Variants in TNPO2 observed in about 807,000 individuals in gnomAD.
TNPO2 encodes the protein transportin 2.
A neutral mutation model predicts 111.1 loss-of-function variants in TNPO2; 16 were observed. The observed-to-expected ratio is 0.14, with a 90% CI of 0.10 to 0.22. TNPO2 has a LOEUF of 0.22. Among genes scored for constraint, TNPO2 ranks in the 10% least tolerant of loss-of-function variants. The probability of loss-of-function intolerance (pLI) is 1.00; values close to 1 mark genes in which losing one functional copy is unlikely to be tolerated. For synonymous variants in TNPO2, 481 were observed against 475.8 expected, an observed-to-expected ratio of 1.01 and a Z score of -0.14; for missense variants, 530 against 1,173.7, an observed-to-expected ratio of 0.45 and a Z score of 8.01.
intron 10 of TNPO2, among the ~76,000 whole-genome samples, chr19:12,711,844 C>A (rs1041600725): frequency 6.6e-6 from 1 of 151,780 alleles, no homozygotes; most frequent in Non-Finnish European, 1.5e-5. Flanking sequence ...ATAAATGATA[C>A]CACTCCTGCC....
At chr19:12,722,845 C>G (rs551606772) in intron 2 of TNPO2, among the ~76,000 whole-genome samples, 1 of 152,304 alleles carries the variant, frequency 6.6e-6, no homozygotes, top group African/African-American at 2.4e-5. Flanking sequence ...AGCTCTTTAG[C>G]TGGAGCCAGG....
At position 12,706,503 on chromosome 19, in the gene TNPO2, G is replaced by A; in HGVS notation, c.1496+67C>T. The A allele has an allele frequency of 1.9e-6, 3 of 1,581,044 alleles. No individual in the cohort carries two copies. Among genetic ancestry groups the A allele is most frequent in the Non-Finnish European group, 2.6e-6 (3 of 1,150,824 alleles). ...ATCAGTTCCACATCAACAGTCACAG[G>A]TGTCATCACTTCCCAGAGGGTGGCC... On this transcript the variant is annotated intron_variant, in intron 14 of 25. Coordinates refer to ENST00000425528, the MANE Select transcript of TNPO2 (RefSeq NM_001382241.1). The surrounding 1 kb of genome is among the most constrained non-coding windows in gnomAD (Gnocchi z 7.0).
chr19:12,704,536 ACTT>A (rs2025518167), intron 18 of TNPO2, among the ~76,000 whole-genome samples: 1 of 152,132 alleles, frequency 6.6e-6, no homozygotes, highest in Admixed American at 6.5e-5. Context: ...ACAAGAACAA[ACTT>A]CTGTATGCGT....
rs111240361 is a variant in TNPO2 at position 12,721,054 on chromosome 19, G to A, written c.-13-64C>T. On this transcript the variant is annotated intron_variant, in intron 2 of 25. Coordinates refer to ENST00000425528, the MANE Select transcript of TNPO2 (RefSeq NM_001382241.1). The surrounding 1 kb of genome is among the most constrained non-coding windows in gnomAD (Gnocchi z 4.9). ...GGGCTCCGTGTGAGACCCAGGTGGA[G>A]CCCCTGAGGCCGCGGTGGCCGCATG... 2.2e-3 allele frequency: 3,414 copies of A among 1,533,536 alleles called. 52 individuals carry two copies. The African/African-American group carries it at 0.04, about 18-fold the overall frequency. 95.0% of individuals were successfully genotyped at this position (1,533,536 alleles called of 1,614,324 possible). A position where few individuals can be genotyped will look rare whatever the true frequency, so the allele number is the denominator to read the frequency against.
Position 12,710,523 on chromosome 19 carries a change from A to C in TNPO2, c.1270+98T>G, listed in dbSNP as rs909499564. On this transcript the variant is annotated intron_variant, in intron 13 of 25. Transcript: ENST00000425528. ...CAGAGCTGTTTGGAGTGGGGTGAGTAGGCCTCCAGGGAGAACTGAGGCATT... is the reference window on the plus strand; with the variant it reads ...CAGAGCTGTTTGGAGTGGGGTGAGTCGGCCTCCAGGGAGAACTGAGGCATT... The C allele has an allele frequency of 2.1e-6, 3 of 1,395,384 alleles. No individual in the cohort carries two copies. In the African/African-American group the frequency reaches 4.4e-5, roughly 20 times the overall value. The allele number at this position is 1,395,384 out of a possible 1,614,324, so 86.4% of individuals were successfully genotyped here.
chr19:12,708,871 C>CA lies in TNPO2; in HGVS notation c.1270+1749dup, dbSNP rs898010371. Among the ~76,000 whole-genome samples the CA allele has an allele frequency of 2.3e-4, 34 of 149,522 alleles. 1 individual carries two copies. The highest frequency in any genetic ancestry group is 3.4e-3 in the Middle Eastern group (1 of 290). On this transcript the variant is annotated intron_variant, in intron 13 of 25. Transcript: ENST00000425528. ...GGACAGTAAGAGCAAAACTCCGTCTCAAAAAAAAAGAAATTAGCCAGGCCT... is the reference window on the plus strand; with the variant it reads ...GGACAGTAAGAGCAAAACTCCGTCTCAAAAAAAAAAGAAATTAGCCAGGCCT...
Position 12,710,658 on chromosome 19 carries a change from C to T in TNPO2, c.1233G>A (p.Lys411=). 1.2e-6 allele frequency: 2 copies of T among 1,613,638 alleles called. No individual in the cohort carries two copies. Among genetic ancestry groups the T allele is most frequent in the Non-Finnish European group, 1.7e-6 (2 of 1,179,752 alleles). ...CGCCCAGCACCAGGATGCCCGACTC[C>T]TTGACCACCCACTCGGGGTGGAAGA... ...GLLFHPEWVV[K]ESGILVLGAI... Residue 411 remains lysine (K), a synonymous_variant, in exon 13 of 26, where the codon AAG becomes AAA. Coordinates refer to ENST00000425528, the MANE Select transcript of TNPO2 (RefSeq NM_001382241.1).
intron 18 of TNPO2, among the ~76,000 whole-genome samples, chr19:12,704,443 GCAT>G (rs1445106609): frequency 6.6e-6 from 1 of 152,150 alleles, no homozygotes; most frequent in African/African-American, 2.4e-5. Context: ...TGTACACTTA[GCAT>G]CATCTCTAAA....
At position 12,715,533 on chromosome 19, in the gene TNPO2, G is replaced by A. The variant is rs921205177; in HGVS notation, c.438C>T (p.Ala146=). The change falls in exon 7 of 26, where the codon GCC becomes GCT. Residue 146 remains alanine (A), a synonymous_variant. Transcript: ENST00000425528. This position sits in a 1 kb window ranked among gnomAD's most constrained non-coding sequence, Gnocchi z 7.1. The part of the protein sequence containing the change: ...NSEDYNTCEG[A]FGALQKICED... Reference sequence around the variant, plus strand: ...CACAGATCTTCTGCAGGGCTCCAAAGGCTCCCTGAGTGCAGAGGGGCAGAG... The same window carrying A: ...CACAGATCTTCTGCAGGGCTCCAAAAGCTCCCTGAGTGCAGAGGGGCAGAG... The A allele has an allele frequency of 1.2e-6, 2 of 1,614,026 alleles. No homozygotes were observed. The highest frequency in any genetic ancestry group is 8.5e-7 in the Non-Finnish European group (1 of 1,179,888).
rs1457226486 is a variant in TNPO2, at chr19:12,706,832, T to G, written c.1271-37A>C. On this transcript the variant is annotated intron_variant, in intron 13 of 25. Coordinates refer to ENST00000425528, the MANE Select transcript of TNPO2 (RefSeq NM_001382241.1). This position sits in a 1 kb window ranked among gnomAD's most constrained non-coding sequence, Gnocchi z 7.0. ...GGGAACCAAGAGGGGGCAGTTTGAT[T>G]GGGCCCAGCCACACCCACCGTATGG... 1 of 1,541,490 alleles carries G rather than the reference T, an allele frequency of 6.5e-7. No individual in the cohort carries two copies.
In TNPO2 at chr19:12,714,953, G is replaced by C. The variant is rs368873745; in HGVS notation, c.772-14C>G. The C allele has an allele frequency of 6.7e-4, 1,072 of 1,605,300 alleles. 15 individuals carry two copies. The highest frequency in any genetic ancestry group is 7.1e-4 in the South Asian group (64 of 90,176). The stretch of plus-strand genomic sequence containing the variant: ...CTGCAGCATGTACTGTGGTAGGGGG[G>C]AGAAGCTGAGGCCTGGCCTGGCTGG... On this transcript the variant is annotated splice_polypyrimidine_tract_variant and intron_variant, in intron 9 of 25. Coordinates refer to ENST00000425528, the MANE Select transcript of TNPO2 (RefSeq NM_001382241.1).
In TNPO2 at chr19:12,702,817, G is replaced by C; in HGVS notation, c.2305+6C>G. On this transcript the variant is annotated splice_donor_region_variant and intron_variant, in intron 21 of 25. Coordinates refer to ENST00000425528, the MANE Select transcript of TNPO2 (RefSeq NM_001382241.1). This position sits in a 1 kb window ranked among gnomAD's most constrained non-coding sequence, Gnocchi z 5.5. ...GGTGCAGGCAGCAGCCGGGCCAGGTGCCCACCTGTGTTTTCCAGCAGTGTC... is the reference window on the plus strand; with the variant it reads ...GGTGCAGGCAGCAGCCGGGCCAGGTCCCCACCTGTGTTTTCCAGCAGTGTC... 1 of 1,613,542 alleles carries C rather than the reference G, an allele frequency of 6.2e-7. No individual in the cohort carries two copies. Among genetic ancestry groups the C allele is most frequent in the Non-Finnish European group, 8.5e-7 (1 of 1,179,502 alleles).
At position 12,701,235 on chromosome 19, in the gene TNPO2, G is replaced by T; in HGVS notation, c.*29C>A. 2 of 857,634 alleles carry T rather than the reference G, an allele frequency of 2.3e-6. No individual in the cohort carries two copies. Among genetic ancestry groups the T allele is most frequent in the East Asian group, 2.5e-5 (1 of 39,324 alleles). The allele number at this position is 857,634 out of a possible 1,614,324, so 53.1% of individuals were successfully genotyped here. On this transcript the variant is annotated 3_prime_UTR_variant, in exon 26 of 26. Transcript: ENST00000425528. This position sits in a 1 kb window ranked among gnomAD's most constrained non-coding sequence, Gnocchi z 5.0. ...CAGTAATCCCTCCGACGACGACGCA[G>T]ACAGAAACCTGCAGGGGGAGGAGGA...
Position 12,706,163 on chromosome 19 carries a change from G to C in TNPO2, c.1668+33C>G. The C allele has an allele frequency of 6.2e-7, 1 of 1,605,420 alleles. No individual in the cohort carries two copies. ...GTCACTGGATGCCCAGGGGCACGGG[G>C]ATCGGGAGGCGGGAGCCGCTCTGGG... On this transcript the variant is annotated intron_variant, in intron 15 of 25. Transcript: ENST00000425528. This position sits in a 1 kb window ranked among gnomAD's most constrained non-coding sequence, Gnocchi z 7.0.
Position 12,714,942 on chromosome 19 carries a change from G to A in TNPO2, c.772-3C>T. On this transcript the variant is annotated splice_polypyrimidine_tract_variant and splice_region_variant and intron_variant, in intron 9 of 25. Transcript: ENST00000425528. The stretch of plus-strand genomic sequence containing the variant: ...TCCTGGGTCCTCTGCAGCATGTACT[G>A]TGGTAGGGGGGAGAAGCTGAGGCCT... 1.2e-6 allele frequency: 2 copies of A among 1,608,226 alleles called. No homozygotes were observed. The highest frequency in any genetic ancestry group is 2.2e-5 in the East Asian group (1 of 44,838).
In TNPO2 at chr19:12,715,425, C is replaced by A; in HGVS notation, c.546G>T (p.Lys182Asn). ...CCCACCGGATCTTGGGACTGCAGTGCTTGAAGAACTGCAGGAACTTGGGGA... is the reference window on the plus strand; with the variant it reads ...CCCACCGGATCTTGGGACTGCAGTGATTGAAGAACTGCAGGAACTTGGGGA... ...IMIPKFLQFFKHCSPKIRSHA... is the reference protein window; with the variant it reads ...IMIPKFLQFFNHCSPKIRSHA... Residue 182 changes from lysine (K) to asparagine (N), a missense_variant, in exon 7 of 26, where the codon AAG becomes AAT. This residue lies in a region of TNPO2 where 156 missense variants were observed against 405.8 expected (regional missense o/e 0.38). Transcript: ENST00000425528. The surrounding 1 kb of genome is among the most constrained non-coding windows in gnomAD (Gnocchi z 7.1). 1 of 1,613,906 alleles carries A rather than the reference C, an allele frequency of 6.2e-7. No individual in the cohort carries two copies. The highest frequency in any genetic ancestry group is 8.5e-7 in the Non-Finnish European group (1 of 1,179,868).
chr19:12,702,718 C>G lies in TNPO2; in HGVS notation c.2305+105G>C. The G allele has an allele frequency of 9.6e-7, 1 of 1,039,358 alleles. No homozygotes were observed. The allele number at this position is 1,039,358 out of a possible 1,614,324, so 64.4% of individuals were successfully genotyped here. On this transcript the variant is annotated intron_variant, in intron 21 of 25. Transcript: ENST00000425528. This position sits in a 1 kb window ranked among gnomAD's most constrained non-coding sequence, Gnocchi z 5.5. ...CCCCTTCCAGGTACTTCCAGACACCCTCCTTGGTTCCTTGACAAGGCTCTT... is the reference window on the plus strand; with the variant it reads ...CCCCTTCCAGGTACTTCCAGACACCGTCCTTGGTTCCTTGACAAGGCTCTT...
chr19:12,710,807 C>T, intron 12 of TNPO2, 34 bp from the exon 13 acceptor site: 1 of 1,576,922 alleles, frequency 6.3e-7, no homozygotes, highest in Non-Finnish European at 8.6e-7. Flanking sequence ...AGGCTCAGGG[C>T]GGCCCCTCAG....
chr19:12,712,435 C>A (rs2026118471), intron 10 of TNPO2, among the ~76,000 whole-genome samples: 1 of 152,190 alleles, frequency 6.6e-6, no homozygotes, highest in Admixed American at 6.6e-5. Context: ...TATCCGGAGG[C>A]CTAACCGTCT....
Sources: gnomAD v4.1 joint callset for allele counts (sites outside exome capture counted in the v4.1 genomes callset) on GRCh38, gnomAD v4.1.1 for gene constraint, gnomAD v4.1.1 regional missense constraint, Gnocchi (gnomAD v3.1) non-coding constraint, MANE v1.5 for transcripts, NCBI Gene and HGNC (gene_info 2026-07-23, HGNC 2026-07-21) for gene names.